PDE10A: variants seen among roughly 807,000 people sequenced by gnomAD.
The protein encoded by PDE10A is cAMP and cAMP-inhibited cGMP 3',5'-cyclic phosphodiesterase 10A.
PDE10A carries 39 observed loss-of-function variants against 97.7 expected under a neutral mutation model. The ratio of observed to expected loss-of-function variants is 0.40; its 90% CI spans 0.31 to 0.52. The LOEUF (loss-of-function observed/expected upper bound fraction) is 0.52, where lower values mean the gene tolerates loss of function less well. Ranked by LOEUF, PDE10A falls within the 20% of genes least tolerant of loss-of-function variation. The pLI is 0.56. For synonymous variants in PDE10A, 371 were observed against 376.8 expected (o/e 0.98, Z 0.18); for missense variants, 731 against 1,047.8 (o/e 0.70, Z 4.17).
intron 1 of PDE10A, among the ~76,000 whole-genome samples, chr6:165,981,280 T>C (rs954546002): frequency 2.0e-5 from 3 of 152,198 alleles, no homozygotes; most frequent in African/African-American, 7.2e-5. Flanking sequence ...ATCCAGTTTT[T>C]AGGTAACTTC....
rs56267070 is a variant in PDE10A at position 165,329,856 on chromosome 6, T to G, written c.*3169A>C. On this transcript the variant is annotated 3_prime_UTR_variant, in exon 22 of 22. Transcript: ENST00000539869. Reference sequence around the variant, plus strand: ...CGATTGTGTCTAATATTTTGGTCTCTTTTGCAAGATGGGTTTTTCATACAC... The same window carrying G: ...CGATTGTGTCTAATATTTTGGTCTCGTTTGCAAGATGGGTTTTTCATACAC... 1 of 152,310 alleles carries G rather than the reference T, an allele frequency of 6.6e-6. No individual in the cohort carries two copies. Among genetic ancestry groups the G allele is most frequent in the Non-Finnish European group, 1.5e-5 (1 of 68,018 alleles). 9.4% of individuals were successfully genotyped at this position (152,310 alleles called of 1,614,324 possible).
chr6:165,958,987 G>A (rs1485788708), intron 1 of PDE10A, among the ~76,000 whole-genome samples: 1 of 152,188 alleles, frequency 6.6e-6, no homozygotes, highest in Admixed American at 6.5e-5. Flanking sequence ...CCAGCTACAG[G>A]AAAGGCAGAA....
intron 1 of PDE10A, among the ~76,000 whole-genome samples, chr6:165,890,845 T>C (rs1184309577): frequency 6.6e-6 from 1 of 152,246 alleles, no homozygotes; most frequent in East Asian, 1.9e-4. Flanking sequence ...AAACAAAGGC[T>C]GTAATTTCTG....
rs759945561 is a variant in PDE10A, at chr6:165,434,016, CAAAAAAAAAAAA to C, written c.1336-899_1336-888del. 5.5e-5 allele frequency among the ~76,000 whole-genome samples: 3 copies of C among 54,568 alleles called. No homozygotes were observed. The Admixed American group carries it at 6.4e-4, about 12-fold the overall frequency. 35.8% of individuals were successfully genotyped at this position (54,568 alleles called of 152,430 possible). On this transcript the variant is annotated intron_variant, in intron 6 of 21. Transcript: ENST00000539869. Reference sequence around the variant, plus strand: ...TGGGCGACACAGCGAGACTCCGTCTCAAAAAAAAAAAAAAAAAAAAAAGAAGTAGTACAGGGA... The same window carrying C: ...TGGGCGACACAGCGAGACTCCGTCTCAAAAAAAAAAGAAGTAGTACAGGGA...
chr6:165,386,617 T>C (rs16897788), intron 17 of PDE10A, among the ~76,000 whole-genome samples: 31,761 of 152,082 alleles, frequency 0.21, 4,257 homozygotes, highest in African/African-American at 0.37. Flanking sequence ...AGTTTTAGAA[T>C]GTTCATCCAT....
intron 5 of PDE10A, among the ~76,000 whole-genome samples, chr6:165,443,560 C>T (rs1035700372): frequency 1.3e-5 from 2 of 152,226 alleles, no homozygotes; most frequent in Non-Finnish European, 2.9e-5. Context: ...GACAGTGGCC[C>T]TCTTCTCACA....
At chr6:165,728,202 G>C (rs745474195) in intron 1 of PDE10A, among the ~76,000 whole-genome samples, 1 of 152,162 alleles carries the variant, frequency 6.6e-6, no homozygotes, top group Non-Finnish European at 1.5e-5. Context: ...AGAGCAGGTA[G>C]GGCCCCTAGT....
At chr6:165,812,855 C>G (rs1351640640) in intron 1 of PDE10A, among the ~76,000 whole-genome samples, 1 of 152,150 alleles carries the variant, frequency 6.6e-6, no homozygotes, top group Non-Finnish European at 1.5e-5. Flanking sequence ...TAAGTAACTT[C>G]TCTCCTGTAA....
chr6:165,856,155 C>G (rs1780726893), intron 1 of PDE10A, among the ~76,000 whole-genome samples: 1 of 152,152 alleles, frequency 6.6e-6, no homozygotes, highest in Non-Finnish European at 1.5e-5. Context: ...GGAAATTGTG[C>G]TGGAGAGGAG....
intron 1 of PDE10A, among the ~76,000 whole-genome samples, chr6:165,859,342 C>CA (rs1391704448): frequency 6.6e-6 from 1 of 152,218 alleles, no homozygotes; most frequent in East Asian, 1.9e-4. Flanking sequence ...CCATGAAGTA[C>CA]ATTCACACTG....
chr6:165,726,864 G>A (rs10946098), intron 1 of PDE10A, among the ~76,000 whole-genome samples: 38,778 of 152,122 alleles, frequency 0.25, 5,042 homozygotes, highest in East Asian at 0.34. Flanking sequence ...CTTTGGGAAA[G>A]GTCTCCACTT....
chr6:165,724,008 A>T (rs995133309), intron 1 of PDE10A, among the ~76,000 whole-genome samples: 1 of 152,190 alleles, frequency 6.6e-6, no homozygotes, highest in Non-Finnish European at 1.5e-5. Flanking sequence ...CCAGATTTCC[A>T]GTGTGCACTA....
chr6:165,384,974 T>C (rs1785198126), intron 17 of PDE10A, among the ~76,000 whole-genome samples: 1 of 152,152 alleles, frequency 6.6e-6, no homozygotes, highest in Non-Finnish European at 1.5e-5. Context: ...TAATCATCTG[T>C]GTGGCAATGC....
chr6:165,489,559 A>G (rs1186763589), intron 2 of PDE10A, among the ~76,000 whole-genome samples: 1 of 152,184 alleles, frequency 6.6e-6, no homozygotes, highest in Non-Finnish European at 1.5e-5. Flanking sequence ...ACCCCAAAAG[A>G]TCATACTAGC....
chr6:165,359,388 A>ACAGTG (rs1186786241), intron 18 of PDE10A, among the ~76,000 whole-genome samples: 2 of 152,126 alleles, frequency 1.3e-5, no homozygotes, highest in Non-Finnish European at 2.9e-5. Context: ...TTTGGAACAG[A>ACAGTG]CAGTGCTTTG....
intron 1 of PDE10A, among the ~76,000 whole-genome samples, chr6:165,853,335 A>G (rs765226895): frequency 2.3e-4 from 35 of 152,368 alleles, no homozygotes; most frequent in Non-Finnish European, 4.1e-4. Flanking sequence ...TGCCAGTTAC[A>G]TAAAGGATTT....
At chr6:165,435,493 T>A in intron 5 of PDE10A, 116 bp from the exon 6 acceptor site, 1 of 841,954 alleles carries the variant, frequency 1.2e-6, no homozygotes, top group African/African-American at 1.7e-5. Flanking sequence ...AGAAGAGTCA[T>A]AAAATGAGGA....
chr6:165,588,597 C>T (rs1786064157), intron 1 of PDE10A, among the ~76,000 whole-genome samples: 1 of 151,954 alleles, frequency 6.6e-6, no homozygotes, highest in South Asian at 2.1e-4. Context: ...CTAAAGTTAG[C>T]TTTATGATTT....
intron 13 of PDE10A, among the ~76,000 whole-genome samples, chr6:165,399,991 G>A (rs191414544): frequency 2.4e-4 from 36 of 152,180 alleles, no homozygotes; most frequent in Non-Finnish European, 5.1e-4. Flanking sequence ...GGGCACAAAC[G>A]GATCAGTGGA....
Sources: allele counts gnomAD v4.1 joint callset (sites outside exome capture counted in the v4.1 genomes callset), GRCh38; gene constraint gnomAD v4.1.1; transcripts MANE v1.5; gene names NCBI Gene and HGNC (gene_info 2026-07-23, HGNC 2026-07-21).